Variants in KDM5B observed in about 807,000 individuals in gnomAD.
The protein encoded by KDM5B is lysine demethylase 5B.
In KDM5B, 144 loss-of-function variants were observed where a neutral mutation model predicts 193.4. The observed-to-expected ratio is 0.74, with a 90% CI of 0.65 to 0.86. KDM5B has a LOEUF of 0.86. Among genes scored for constraint, KDM5B ranks in the 40% least tolerant of loss-of-function variants. The pLI, the probability that KDM5B is intolerant of heterozygous loss-of-function variation, is 0.00. For missense variants in KDM5B, 1,833 were observed against 1,886.9 expected, an observed-to-expected ratio of 0.97 and a Z score of 0.53; for synonymous variants, 668 against 682.6, an observed-to-expected ratio of 0.98 and a Z score of 0.33.
At chr1:202,750,490 G>T (rs560958911) in intron 13 of KDM5B, among the ~76,000 whole-genome samples, 169 bp downstream of exon 13, 2 of 152,102 alleles carry the variant, frequency 1.3e-5, no homozygotes, top group African/African-American at 4.8e-5. Flanking sequence ...GGCCAGGCTG[G>T]TCTCGAACTC....
intron 1 of KDM5B, among the ~76,000 whole-genome samples, chr1:202,785,909 TA>T (rs535467100): frequency 0.05 from 6,697 of 134,028 alleles, 328 homozygotes; most frequent in East Asian, 0.26. Context: ...GACTCCCAAT[TA>T]AAAAAAAAAA....
intron 8 of KDM5B, 24 bp from the exon 9 acceptor site, chr1:202,758,534 C>T (rs762454619): frequency 4.1e-5 from 64 of 1,568,676 alleles, no homozygotes; most frequent in Non-Finnish European, 5.5e-5. Flanking sequence ...AAATTACGTT[C>T]TAGGTGACAC....
intron 20 of KDM5B, among the ~76,000 whole-genome samples, chr1:202,737,780 C>T (rs987847814): frequency 6.6e-6 from 1 of 152,044 alleles, no homozygotes; most frequent in Admixed American, 6.6e-5. Flanking sequence ...GGGAGGAAAA[C>T]GCTACAAGAT....
In KDM5B at chr1:202,727,750, C is replaced by T. The variant is rs10494836; in HGVS notation, c.*1286G>A. On this transcript the variant is annotated 3_prime_UTR_variant, in exon 27 of 27. Transcript: ENST00000367265. ...CCAGGAGGCAGAGTCTGGGAATTCACAAGTCTCCTCTCAAGACATATACTA... is the reference window on the plus strand; with the variant it reads ...CCAGGAGGCAGAGTCTGGGAATTCATAAGTCTCCTCTCAAGACATATACTA... 8,952 of 152,692 alleles carry T rather than the reference C, an allele frequency of 0.059. 451 individuals are homozygous for T. Among genetic ancestry groups the T allele is most frequent in the East Asian group, 0.24 (1,262 of 5,168 alleles). 9.5% of individuals were successfully genotyped at this position (152,692 alleles called of 1,614,324 possible).
chr1:202,731,237 T>A (rs1047943713), intron 24 of KDM5B, among the ~76,000 whole-genome samples, 174 bp from the exon 25 acceptor site: 5 of 152,228 alleles, frequency 3.3e-5, no homozygotes, highest in Admixed American at 6.5e-5. Flanking sequence ...AGCCACAATA[T>A]AATAAACAGA....
intron 5 of KDM5B, among the ~76,000 whole-genome samples, chr1:202,764,936 C>T (rs1656389840): frequency 6.6e-6 from 1 of 152,218 alleles, no homozygotes. Context: ...AAGACCACAC[C>T]ACTATACTCC....
At chr1:202,781,226 G>A (rs770466893) in intron 1 of KDM5B, among the ~76,000 whole-genome samples, 10 of 152,156 alleles carry the variant, frequency 6.6e-5, no homozygotes, top group Admixed American at 3.3e-4. Flanking sequence ...TTAAGCCCAG[G>A]GGGCTTAAGT....
At chr1:202,742,133 A>C (rs1211665257) in intron 18 of KDM5B, among the ~76,000 whole-genome samples, 1 of 152,118 alleles carries the variant, frequency 6.6e-6, no homozygotes, top group East Asian at 1.9e-4. Context: ...TCAGCCTCCC[A>C]AAGTGCTGGG....
intron 22 of KDM5B, among the ~76,000 whole-genome samples, chr1:202,734,640 A>G (rs546400676): frequency 6.6e-6 from 1 of 152,360 alleles, no homozygotes; most frequent in East Asian, 1.9e-4. Flanking sequence ...GTCTTTATAA[A>G]AACAAACCAC....
chr1:202,763,264 G>A (rs546737945), intron 6 of KDM5B, among the ~76,000 whole-genome samples: 6 of 152,310 alleles, frequency 3.9e-5, no homozygotes, highest in South Asian at 2.1e-4. Context: ...GAAGTTTGGC[G>A]AAAACACTGG....
chr1:202,735,392 A>G (rs772473725), intron 22 of KDM5B, 37 bp downstream of exon 22: 33 of 1,582,110 alleles, frequency 2.1e-5, no homozygotes, highest in Non-Finnish European at 2.8e-5. Flanking sequence ...TATTCTTCCC[A>G]ATAACATAGA....
chr1:202,767,078 A>C lies in KDM5B; in HGVS notation c.577-18T>G. ...TGCAAACACTAGAAATAACAACTGTACTGATAAATTCCCTCCTTTTTTTTT... is the reference window on the plus strand; with the variant it reads ...TGCAAACACTAGAAATAACAACTGTCCTGATAAATTCCCTCCTTTTTTTTT... On this transcript the variant is annotated intron_variant, in intron 4 of 26. Coordinates refer to ENST00000367265, the MANE Select transcript of KDM5B (RefSeq NM_006618.5). 6.2e-7 allele frequency: 1 copy of C among 1,606,580 alleles called. No individual in the cohort carries two copies. Among genetic ancestry groups the C allele is most frequent in the Middle Eastern group, 1.7e-4 (1 of 6,006 alleles).
intron 5 of KDM5B, among the ~76,000 whole-genome samples, chr1:202,766,700 C>T (rs1656477636): frequency 6.6e-6 from 1 of 152,198 alleles, no homozygotes; most frequent in African/African-American, 2.4e-5. Flanking sequence ...TAATAAGCGG[C>T]TGTCTGTCCA....
At chr1:202,758,300 G>C in intron 9 of KDM5B, 91 bp downstream of exon 9, 1 of 1,018,024 alleles carries the variant, frequency 9.8e-7, no homozygotes, top group Admixed American at 2.2e-5. Context: ...ATGCCTACTA[G>C]AGTGAGGCCT....
chr1:202,773,216 C>T lies in KDM5B; in HGVS notation c.478G>A (p.Gly160Arg), dbSNP rs1333739064. The stretch of plus-strand genomic sequence containing the variant: ...CCCACTGCTTTGCCAGGAGCAAACC[C>T]CATCTTGGTAGCAATTTTGGTCCAT... ...RKWTKIATKM[G>R]FAPGKAVGSH... Residue 160 changes from glycine to arginine, a missense_variant, in exon 4 of 27, where the codon GGG becomes AGG. Around this residue, in one of 3 missense-constraint regions of KDM5B, gnomAD observed 355 missense variants for 374.9 expected, o/e 0.95. Transcript: ENST00000367265. 1 of 1,613,902 alleles carries T rather than the reference C, an allele frequency of 6.2e-7. No homozygotes were observed. Among genetic ancestry groups the T allele is most frequent in the Non-Finnish European group, 8.5e-7 (1 of 1,179,908 alleles).
At chr1:202,769,495 C>T (rs931762980) in intron 4 of KDM5B, among the ~76,000 whole-genome samples, 5 of 150,742 alleles carry the variant, frequency 3.3e-5, no homozygotes, top group African/African-American at 1.2e-4. Context: ...CATACTGAAA[C>T]CCCGTCCTTA....
intron 7 of KDM5B, 33 bp downstream of exon 7, chr1:202,762,666 G>T: frequency 8.1e-7 from 1 of 1,228,524 alleles, no homozygotes; most frequent in Non-Finnish European, 1.2e-6. Context: ...AGGAAAACAG[G>T]AAAGAAAAAG....
intron 8 of KDM5B, among the ~76,000 whole-genome samples, chr1:202,759,447 G>A (rs757107691): frequency 3.6e-4 from 54 of 151,752 alleles, no homozygotes; most frequent in Non-Finnish European, 5.7e-4. Flanking sequence ...AGGCTGAGAC[G>A]GGAGGATCAC....
rs1325993888 is a variant in KDM5B, at chr1:202,752,773, C to T, written c.1701+132G>A. The stretch of plus-strand genomic sequence containing the variant: ...GTAAATGTACAGTACTGCAGCAAAA[C>T]AGCTGTTTCTGCTATCAAGTCATGC... On this transcript the variant is annotated intron_variant, in intron 12 of 26. Transcript: ENST00000367265. The T allele has an allele frequency of 1.1e-5, 9 of 819,392 alleles. No individual in the cohort carries two copies. In the East Asian group the frequency reaches 2.3e-4, roughly 21 times the overall value. The allele number at this position is 819,392 out of a possible 1,614,324, so 50.8% of individuals were successfully genotyped here. A position where few individuals can be genotyped will look rare whatever the true frequency, so the allele number is the denominator to read the frequency against.
Sources: gnomAD v4.1 joint callset for allele counts (sites outside exome capture counted in the v4.1 genomes callset) on GRCh38, gnomAD v4.1.1 for gene constraint, gnomAD v4.1.1 regional missense constraint, MANE v1.5 for transcripts, NCBI Gene and HGNC (gene_info 2026-07-23, HGNC 2026-07-21) for gene names.